The following TNS3 variants were observed in gnomAD, a reference collection of about 807,000 sequenced individuals.
TNS3 encodes tensin-3.
In TNS3, 45 loss-of-function variants were observed where a neutral mutation model predicts 140.9. The ratio of observed to expected loss-of-function variants is 0.32; its 90% CI spans 0.25 to 0.41. The LOEUF is 0.41. Among genes scored for constraint, TNS3 ranks in the 10% least tolerant of loss-of-function variants. TNS3 has a pLI of 1.00. For missense variants in TNS3, 1,716 were observed against 1,906.7 expected (o/e 0.90, Z 1.86); for synonymous variants, 815 against 788.4 (o/e 1.03, Z -0.56).
At chr7:47,354,227 T>TGGGAG (rs1789854039) in intron 17 of TNS3, among the ~76,000 whole-genome samples, 1 of 152,172 alleles carries the variant, frequency 6.6e-6, no homozygotes, top group South Asian at 2.1e-4. Context: ...GGAGACCTCA[T>TGGGAG]GGGAGCAGGA....
At chr7:47,459,085 G>A (rs1347842787) in intron 4 of TNS3, among the ~76,000 whole-genome samples, 1 of 152,124 alleles carries the variant, frequency 6.6e-6, no homozygotes, top group African/African-American at 2.4e-5. Context: ...TTTTAACAGT[G>A]GCATAGTACC....
At chr7:47,560,037 G>A (rs536642461) in intron 1 of TNS3, among the ~76,000 whole-genome samples, 546 of 152,232 alleles carry the variant, frequency 3.6e-3, no homozygotes, top group Middle Eastern at 0.027. Context: ...GCAAGAGCCG[G>A]CCGCGGGTCT....
At chr7:47,441,953 C>G in intron 5 of TNS3, 50 bp downstream of exon 5, 3 of 1,249,042 alleles carry the variant, frequency 2.4e-6, no homozygotes, top group Non-Finnish European at 3.2e-6. Context: ...CTGTAGAGAG[C>G]TGACCTACAG....
At chr7:47,490,708 T>C (rs1211573310) in intron 3 of TNS3, among the ~76,000 whole-genome samples, 1 of 152,174 alleles carries the variant, frequency 6.6e-6, no homozygotes, top group East Asian at 1.9e-4. Flanking sequence ...TCGTTGGAAA[T>C]GGGCATGAGG....
intron 2 of TNS3, among the ~76,000 whole-genome samples, chr7:47,513,132 A>T (rs1798666391): frequency 6.6e-6 from 1 of 152,200 alleles, no homozygotes; most frequent in Non-Finnish European, 1.5e-5. Flanking sequence ...TCAGAAATTT[A>T]AAAAAATGAT....
intron 17 of TNS3, 66 bp downstream of exon 17, chr7:47,368,299 C>T: frequency 7.2e-7 from 1 of 1,387,932 alleles, no homozygotes; most frequent in South Asian, 1.9e-5. Context: ...AGGCTGATTT[C>T]TCATCACACA....
chr7:47,521,194 C>A (rs1406787330), intron 2 of TNS3, among the ~76,000 whole-genome samples: 1 of 152,154 alleles, frequency 6.6e-6, no homozygotes, highest in Non-Finnish European at 1.5e-5. Context: ...ACACTCCCTG[C>A]CCCACCCACC....
At chr7:47,378,566 G>C (rs540216683) in intron 16 of TNS3, among the ~76,000 whole-genome samples, 1 of 152,268 alleles carries the variant, frequency 6.6e-6, no homozygotes, top group Admixed American at 6.5e-5. Flanking sequence ...CTCGGTGACT[G>C]ACAGCAATGA....
intron 24 of TNS3, 99 bp from the exon 25 acceptor site, chr7:47,293,927 G>T: frequency 9.0e-7 from 1 of 1,110,748 alleles, no homozygotes; most frequent in Non-Finnish European, 1.3e-6. Flanking sequence ...CAGTTGAAAA[G>T]GCTCTTCTCT....
chr7:47,369,583 C>T lies in TNS3; in HGVS notation c.1063G>A (p.Ala355Thr). The change falls in exon 17 of 31, where the codon GCG (alanine) becomes ACG (threonine). Residue 355 changes from alanine to threonine, a missense_variant. Physicochemically the swap from Ala to Thr is moderately conservative, Grantham distance 58. Transcript: ENST00000311160. ...TQGPVDGSLY[A>T]KVRKKSSSDP... Reference sequence around the variant, plus strand: ...GAGGAGCTTTTCTTCCTCACCTTCGCGTAAAGGCTGCCATCGACAGGGCCC... The same window carrying T: ...GAGGAGCTTTTCTTCCTCACCTTCGTGTAAAGGCTGCCATCGACAGGGCCC... The T allele has an allele frequency of 2.5e-6, 4 of 1,603,526 alleles. No individual in the cohort carries two copies. Among genetic ancestry groups the T allele is most frequent in the East Asian group, 4.5e-5 (2 of 44,732 alleles).
At position 47,346,349 on chromosome 7, in the gene TNS3, A is replaced by T. The variant is rs747627624; in HGVS notation, c.2289T>A (p.Ser763=). The T allele has an allele frequency of 1.2e-5, 19 of 1,614,070 alleles. No individual in the cohort carries two copies. The Admixed American group carries it at 3.0e-4, about 25-fold the overall frequency. Residue 763 remains serine, a synonymous_variant, in exon 18 of 31, where the codon TCT becomes TCA. Transcript: ENST00000311160. ...PSRATGRQGS[S]AEQPLGGRLR... ...GTCTCCCGCCCAGGGGCTGTTCAGC[A>T]GAGGAGCCTGTTAAAAGGGAGACAA...
chr7:47,466,447 A>G (rs1415224163), intron 4 of TNS3, among the ~76,000 whole-genome samples: 2 of 152,192 alleles, frequency 1.3e-5, no homozygotes, highest in Non-Finnish European at 2.9e-5. Flanking sequence ...CACCCGACCC[A>G]GTTCCTTTTT....
At chr7:47,454,414 C>A (rs1468756410) in intron 4 of TNS3, among the ~76,000 whole-genome samples, 8 of 152,198 alleles carry the variant, frequency 5.3e-5, no homozygotes, top group African/African-American at 1.9e-4. Flanking sequence ...TTGGTTTCCA[C>A]CTCTGTGAAA....
chr7:47,470,556 G>C, intron 4 of TNS3: 6 of 985,368 alleles, frequency 6.1e-6, no homozygotes, highest in Non-Finnish European at 7.2e-6. Flanking sequence ...TTCAGCCAAA[G>C]GTGCCTTTGG....
intron 17 of TNS3, among the ~76,000 whole-genome samples, chr7:47,347,420 A>C (rs556283244): frequency 6.6e-6 from 1 of 152,252 alleles, no homozygotes; most frequent in South Asian, 2.1e-4. Flanking sequence ...CGGCATGATA[A>C]AGAGAAGGTT....
At chr7:47,488,189 T>C (rs1301266621) in intron 3 of TNS3, among the ~76,000 whole-genome samples, 1 of 152,212 alleles carries the variant, frequency 6.6e-6, no homozygotes, top group East Asian at 1.9e-4. Flanking sequence ...AAAGGATGCA[T>C]TGTTCATGTG....
In TNS3 at chr7:47,426,970, C is replaced by CA. The variant is rs1269292464; in HGVS notation, c.389+1341dup. Among the ~76,000 whole-genome samples, 3 of 151,864 alleles carry CA rather than the reference C, an allele frequency of 2.0e-5. No individual in the cohort carries two copies. In the East Asian group the frequency reaches 5.8e-4, roughly 29 times the overall value. ...TGAAACCCTGTCCCTACTAAAAATACAAAAAATTAGCTGGGCATCTTGGCA... is the reference window on the plus strand; with the variant it reads ...TGAAACCCTGTCCCTACTAAAAATACAAAAAAATTAGCTGGGCATCTTGGCA... On this transcript the variant is annotated intron_variant, in intron 9 of 30. Transcript: ENST00000311160.
intron 1 of TNS3, among the ~76,000 whole-genome samples, chr7:47,578,314 AT>A (rs1202949447): frequency 6.6e-6 from 1 of 152,158 alleles, no homozygotes; most frequent in Non-Finnish European, 1.5e-5. Context: ...TCTCAAAAAA[AT>A]AAAAATAAAA....
chr7:47,423,334 A>C (rs1562721612), intron 10 of TNS3, among the ~76,000 whole-genome samples: 1 of 152,192 alleles, frequency 6.6e-6, no homozygotes, highest in Non-Finnish European at 1.5e-5. Flanking sequence ...GGAGGAAGTA[A>C]GTGCACCTGG....
Sources: allele counts gnomAD v4.1 joint callset (sites outside exome capture counted in the v4.1 genomes callset), GRCh38; gene constraint gnomAD v4.1.1; transcripts MANE v1.5; gene names NCBI Gene and HGNC (gene_info 2026-07-23, HGNC 2026-07-21).